The following KCNIP1 variants were observed in gnomAD, a reference collection of about 807,000 sequenced individuals.
KCNIP1 encodes A-type potassium channel modulatory protein KCNIP1.
Under a neutral mutation model 33.0 loss-of-function variants are expected in KCNIP1, and 18 were observed. The ratio of observed to expected loss-of-function variants is 0.55; its 90% CI spans 0.38 to 0.81. The LOEUF is 0.81. Among genes scored for constraint, KCNIP1 ranks in the 30% least tolerant of loss-of-function variants. The pLI, the probability that KCNIP1 is intolerant of heterozygous loss-of-function variation, is 0.00. For synonymous variants in KCNIP1, 93 were observed against 98.3 expected (o/e 0.95, Z 0.32); for missense variants, 238 against 271.6 (o/e 0.88, Z 0.87).
rs910608775 is a variant in KCNIP1 at position 170,357,872 on chromosome 5, T to C, written c.88+3908T>C. Among the ~76,000 whole-genome samples the C allele has an allele frequency of 3.9e-5, 6 of 152,306 alleles. No homozygotes were observed. The East Asian group carries it at 1.2e-3, about 29-fold the overall frequency. ...TGCTTCCCCTCTGCTCAACTTGTTT[T>C]CTTAAGGGCCTACCCAGAGCCATCT... On this transcript the variant is annotated intron_variant, in intron 1 of 7. Coordinates refer to the KCNIP1 transcript ENST00000377360.
intron 1 of KCNIP1, among the ~76,000 whole-genome samples, chr5:170,644,853 A>G (rs1006558154): frequency 4.6e-5 from 7 of 152,236 alleles, no homozygotes; most frequent in African/African-American, 1.7e-4. Flanking sequence ...TCAGGCCTCC[A>G]GTGGGGACAG....
chr5:170,652,538 A>G (rs1213590183), intron 1 of KCNIP1, among the ~76,000 whole-genome samples: 1 of 151,648 alleles, frequency 6.6e-6, no homozygotes, highest in Non-Finnish European at 1.5e-5. Flanking sequence ...AAAAGAAAAG[A>G]AAAGAAAAGA....
chr5:170,597,434 T>C (rs1295636875), intron 1 of KCNIP1, among the ~76,000 whole-genome samples: 1 of 152,106 alleles, frequency 6.6e-6, no homozygotes, highest in Non-Finnish European at 1.5e-5. Context: ...TTATCTGTGC[T>C]TGCAAAGAGG....
intron 1 of KCNIP1, among the ~76,000 whole-genome samples, chr5:170,392,081 C>A (rs931602029): frequency 1.3e-5 from 2 of 152,172 alleles, no homozygotes; most frequent in Middle Eastern, 3.2e-3. Context: ...GAGTTCCCCC[C>A]ACACGCTCTC....
chr5:170,595,961 G>A (rs1222092654), intron 1 of KCNIP1, among the ~76,000 whole-genome samples: 4 of 152,182 alleles, frequency 2.6e-5, no homozygotes, highest in Admixed American at 6.5e-5. Context: ...CTCGGGTGGT[G>A]AGCTTCATCC....
intron 1 of KCNIP1, among the ~76,000 whole-genome samples, chr5:170,570,875 C>T (rs1221389080): frequency 6.6e-6 from 1 of 152,242 alleles, no homozygotes; most frequent in African/African-American, 2.4e-5. Flanking sequence ...AAGTCCCCCA[C>T]TAAGTGCCAG....
At chr5:170,374,226 T>A (rs542084011) in intron 1 of KCNIP1, among the ~76,000 whole-genome samples, 7 of 152,344 alleles carry the variant, frequency 4.6e-5, no homozygotes, top group African/African-American at 7.2e-5. Flanking sequence ...AATATTTATA[T>A]TGCATTATTT....
intron 1 of KCNIP1, among the ~76,000 whole-genome samples, chr5:170,363,778 G>A (rs1307278008): frequency 6.6e-6 from 1 of 152,090 alleles, no homozygotes; most frequent in Admixed American, 6.5e-5. Flanking sequence ...ACATTCACAT[G>A]TTGTGCAACC....
chr5:170,680,219 C>T (rs1467319297), intron 1 of KCNIP1, among the ~76,000 whole-genome samples: 1 of 152,166 alleles, frequency 6.6e-6, no homozygotes, highest in Non-Finnish European at 1.5e-5. Flanking sequence ...CTCTGTGACT[C>T]TAAGAGTGCA....
chr5:170,697,543 G>T (rs1257592068), intron 1 of KCNIP1, among the ~76,000 whole-genome samples: 1 of 152,190 alleles, frequency 6.6e-6, no homozygotes, highest in Non-Finnish European at 1.5e-5. Flanking sequence ...GTGAGTACAT[G>T]AAATTGAGTC....
intron 1 of KCNIP1, among the ~76,000 whole-genome samples, chr5:170,380,572 A>T (rs770581779): frequency 6.6e-6 from 1 of 152,214 alleles, no homozygotes; most frequent in Non-Finnish European, 1.5e-5. Flanking sequence ...GGAAATGCAG[A>T]TGCTGCACTC....
chr5:170,692,946 T>C (rs1218303174), intron 1 of KCNIP1, among the ~76,000 whole-genome samples: 2 of 152,232 alleles, frequency 1.3e-5, no homozygotes, highest in Non-Finnish European at 1.5e-5. Context: ...TTAATATAAA[T>C]TTAAAATAGC....
chr5:170,624,732 T>G (rs946217078), intron 1 of KCNIP1, among the ~76,000 whole-genome samples: 1,805 of 12,396 alleles, frequency 0.15, 11 homozygotes, highest in African/African-American at 0.16. Context: ...ACCGGGGAGG[T>G]GGGGGGGGAG....
chr5:170,580,582 A>G (rs759266221), intron 1 of KCNIP1, among the ~76,000 whole-genome samples: 3 of 152,170 alleles, frequency 2.0e-5, no homozygotes, highest in Non-Finnish European at 4.4e-5. Context: ...GGTCATGTTC[A>G]GGTTGGCTAT....
intron 1 of KCNIP1, among the ~76,000 whole-genome samples, chr5:170,566,405 T>C (rs1337589811): frequency 6.6e-6 from 1 of 152,184 alleles, no homozygotes; most frequent in African/African-American, 2.4e-5. Flanking sequence ...CTATCCGTAT[T>C]ATTATGTATT....
intron 1 of KCNIP1, among the ~76,000 whole-genome samples, chr5:170,594,193 G>C (rs1758364176): frequency 6.6e-6 from 1 of 152,174 alleles, no homozygotes; most frequent in Non-Finnish European, 1.5e-5. Context: ...CACCGTAGGA[G>C]TTCCGTGACT....
At chr5:170,560,236 C>G (rs571739060) in intron 1 of KCNIP1, among the ~76,000 whole-genome samples, 120 of 152,188 alleles carry the variant, frequency 7.9e-4, no homozygotes, top group African/African-American at 2.8e-3. Context: ...AGAAAGCACA[C>G]GAGAGCATTC....
rs541641500 is a variant in KCNIP1, at chr5:170,582,739, G to C, written c.61+78106G>C. Among the ~76,000 whole-genome samples the C allele has an allele frequency of 3.3e-5, 5 of 152,296 alleles. No individual in the cohort carries two copies. The South Asian group carries it at 1.0e-3, about 32-fold the overall frequency. On this transcript the variant is annotated intron_variant, in intron 1 of 7. Transcript: ENST00000328939. ...TCTGTATAACACTTTTCACCTTCCA[G>C]TCCTTCTTCATGGAGTTTCCCAAAG...
chr5:170,716,276 G>A (rs1763642451), intron 1 of KCNIP1, among the ~76,000 whole-genome samples: 1 of 152,218 alleles, frequency 6.6e-6, no homozygotes. Context: ...ACATTAGTGA[G>A]GGATGGGATC....
Sources: allele counts gnomAD v4.1 joint callset (sites outside exome capture counted in the v4.1 genomes callset), GRCh38; gene constraint gnomAD v4.1.1; transcripts MANE v1.5; gene names NCBI Gene and HGNC (gene_info 2026-07-23, HGNC 2026-07-21).